The following ADCY4 variants were observed in gnomAD, a reference collection of about 807,000 sequenced individuals.
ADCY4 encodes adenylate cyclase type 4.
Under a neutral mutation model 125.5 loss-of-function variants are expected in ADCY4, and 111 were observed. That is an observed-to-expected ratio of 0.88 (90% CI 0.76 to 1.04). The LOEUF (loss-of-function observed/expected upper bound fraction) is 1.04. Among genes scored for constraint, ADCY4 ranks in the 50% least tolerant of loss-of-function variants. The pLI, the probability that ADCY4 is intolerant of heterozygous loss-of-function variation, is 0.00. For synonymous variants in ADCY4, 576 were observed against 586.9 expected (o/e 0.98, Z 0.27); for missense variants, 1,256 against 1,382.9 (o/e 0.91, Z 1.46).
Position 24,332,646 on chromosome 14 carries a change from G to T in ADCY4, c.395C>A (p.Ala132Asp), listed in dbSNP as rs754479060. The T allele has an allele frequency of 8.2e-6, 13 of 1,587,598 alleles. No homozygotes were observed. The highest frequency in any genetic ancestry group is 1.0e-5 in the Non-Finnish European group (12 of 1,167,230). Residue 132 changes from alanine (A) to aspartate (D), a missense_variant, in exon 3 of 25, where the codon GCC (alanine) becomes GAC (aspartate). Transcript: ENST00000418030. ...YFLFVIFTAYAMLPLGMRDAA... is the reference protein window; with the variant it reads ...YFLFVIFTAYDMLPLGMRDAA... ...GTCCCGCATGCCCAAGGGCAGCATG[G>T]CATACGCCGTGAAGATGACGAAGAG...
Position 24,326,329 on chromosome 14 carries a change from G to T in ADCY4, c.1538C>A (p.Ala513Asp). Reference sequence around the variant, plus strand: ...CAGGCTCCACTGGGTGCTGAAGGAAGCCAGGGTCTTCTCCTGTTGGGAGAG... The same window carrying T: ...CAGGCTCCACTGGGTGCTGAAGGAATCCAGGGTCTTCTCCTGTTGGGAGAG... ...TSTPLPEKTL[A>D]SFSTQWSLDR... Residue 513 changes from alanine to aspartate, a missense_variant, in exon 11 of 25, where the codon GCT (alanine) becomes GAT (aspartate). Physicochemically the swap from Ala to Asp is moderately radical, Grantham distance 126 (BLOSUM62 -2). Coordinates refer to ENST00000418030, the MANE Select transcript of ADCY4 (RefSeq NM_001198568.2). 1 of 1,613,916 alleles carries T rather than the reference G, an allele frequency of 6.2e-7. No individual in the cohort carries two copies. Among genetic ancestry groups the T allele is most frequent in the South Asian group, 1.1e-5 (1 of 91,076 alleles).
Position 24,331,463 on chromosome 14 carries a change from G to C in ADCY4, c.670-107C>G, listed in dbSNP as rs540830154. The C allele has an allele frequency of 2.7e-5, 40 of 1,489,078 alleles. No homozygotes were observed. In the Middle Eastern group the frequency reaches 5.8e-4, roughly 22 times the overall value. The allele number at this position is 1,489,078 out of a possible 1,614,324, so 92.2% of individuals were successfully genotyped here. A position where few individuals can be genotyped will look rare whatever the true frequency, so the allele number is the denominator to read the frequency against. ...CACTGCCCATCCTAGGTGCTCCCCA[G>C]GGTGCTCCCCCAGGTCCTCCCGCTG... On this transcript the variant is annotated intron_variant, in intron 4 of 24. Coordinates refer to ENST00000418030, the MANE Select transcript of ADCY4 (RefSeq NM_001198568.2).
intron 10 of ADCY4, among the ~76,000 whole-genome samples, chr14:24,327,634 G>A (rs1204686087): frequency 6.6e-6 from 1 of 152,242 alleles, no homozygotes; most frequent in Non-Finnish European, 1.5e-5. Context: ...GGTTGAAGAA[G>A]AGAGCATGCA....
At position 24,324,291 on chromosome 14, in the gene ADCY4, C is replaced by G. The variant is rs772652771; in HGVS notation, c.1908+16G>C. The G allele has an allele frequency of 1.9e-5, 31 of 1,613,968 alleles. No homozygotes were observed. Among genetic ancestry groups the G allele is most frequent in the Non-Finnish European group, 2.3e-5 (27 of 1,179,942 alleles). ...AGGGCTCCGGCATACCACTTCCACC[C>G]CTCAGCCCACCTCACCATCAGGTCC... On this transcript the variant is annotated intron_variant, in intron 15 of 24. Transcript: ENST00000418030.
Position 24,324,214 on chromosome 14 carries a change from T to TG in ADCY4, c.1909-16dup. 1.9e-6 allele frequency: 3 copies of TG among 1,614,104 alleles called. No homozygotes were observed. The highest frequency in any genetic ancestry group is 2.5e-6 in the Non-Finnish European group (3 of 1,179,968). The stretch of plus-strand genomic sequence containing the variant: ...AGGACACACCTCTGTGGAGGGAGCA[T>TG]GGGCATCTTAGCCACGGGGCTGGGG... On this transcript the variant is annotated splice_polypyrimidine_tract_variant and intron_variant, in intron 15 of 24. Coordinates refer to ENST00000418030, the MANE Select transcript of ADCY4 (RefSeq NM_001198568.2).
chr14:24,323,195 CA>C (rs2139199746), intron 17 of ADCY4, 107 bp from the exon 18 acceptor site: 1 of 1,415,210 alleles, frequency 7.1e-7, no homozygotes, highest in South Asian at 1.3e-5. Context: ...ATCTGGGAGA[CA>C]GGGGGCATCA....
At chr14:24,320,342 T>C (rs987471296) in intron 20 of ADCY4, among the ~76,000 whole-genome samples, 1 of 152,088 alleles carries the variant, frequency 6.6e-6, no homozygotes. Flanking sequence ...AAGGGTAAGA[T>C]AATAAAGATG....
intron 16 of ADCY4, 164 bp from the exon 17 acceptor site, chr14:24,323,618 A>T (rs1368330559): frequency 1.4e-6 from 2 of 1,436,404 alleles, no homozygotes; most frequent in Non-Finnish European, 1.8e-6. Context: ...TGGGGTCCTC[A>T]CTCGGGGAGG....
intron 14 of ADCY4, 40 bp from the exon 15 acceptor site, chr14:24,324,431 A>G: frequency 6.4e-7 from 1 of 1,568,734 alleles, no homozygotes; most frequent in Non-Finnish European, 8.8e-7. Flanking sequence ...GTGCCAGAAC[A>G]GGCTCCCTGT....
At chr14:24,329,034 TG>T in intron 10 of ADCY4, 26 bp downstream of exon 10, 1 of 1,607,710 alleles carries the variant, frequency 6.2e-7, no homozygotes, top group Non-Finnish European at 8.5e-7. Flanking sequence ...AACTAAGCTC[TG>T]GGGCTCAGGA....
At chr14:24,327,534 C>T (rs2041967892) in intron 10 of ADCY4, among the ~76,000 whole-genome samples, 1 of 152,224 alleles carries the variant, frequency 6.6e-6, no homozygotes. Flanking sequence ...AACCCTCTGA[C>T]CTCTCCCCTA....
rs2041996165 is a variant in ADCY4, at chr14:24,328,997, G to A, written c.1524+64C>T. The stretch of plus-strand genomic sequence containing the variant: ...GTGGGGGCAGGGAAGGCTGCCAGTG[G>A]GGCCTGAGGATACTGGGGGTGGATT... On this transcript the variant is annotated intron_variant, in intron 10 of 24. Transcript: ENST00000418030. The A allele has an allele frequency of 3.9e-6, 6 of 1,553,272 alleles. No individual in the cohort carries two copies. In the South Asian group the frequency reaches 7.0e-5, roughly 18 times the overall value.
intron 14 of ADCY4, among the ~76,000 whole-genome samples, chr14:24,324,607 C>G (rs2041911235): frequency 1.3e-5 from 2 of 151,872 alleles, no homozygotes. Context: ...AACAGGGACC[C>G]ATATGGTGGG....
rs747607558 is a variant in ADCY4 at position 24,319,104 on chromosome 14, G to A, written c.2950C>T (p.Arg984Ter). ...AGCAGGGGAAGTCTCTCACCCACTC[G>A]CAGGCGGAAGTTGTTGAATGAATGC... The part of the protein sequence containing the change: ...NKHSFNNFRL[R>*]VGLNHGPVVA... The change falls in exon 23 of 25, where the codon CGA becomes TGA. Residue 984 changes from arginine to a stop codon, truncating the protein, a stop_gained. Coordinates refer to ENST00000418030, the MANE Select transcript of ADCY4 (RefSeq NM_001198568.2). LOFTEE classifies it high-confidence loss of function. The surrounding 1 kb of genome is among the most constrained non-coding windows in gnomAD (Gnocchi z 4.5). The A allele has an allele frequency of 3.7e-6, 6 of 1,613,862 alleles. No homozygotes were observed. Among genetic ancestry groups the A allele is most frequent in the Middle Eastern group, 1.6e-4 (1 of 6,084 alleles).
At chr14:24,322,445 T>C in intron 19 of ADCY4, 179 bp downstream of exon 19, 1 of 861,104 alleles carries the variant, frequency 1.2e-6, no homozygotes, top group Non-Finnish European at 1.8e-6. Context: ...AAGCATGGGC[T>C]TTCCCAGATA....
chr14:24,332,415 A>G, intron 3 of ADCY4, 107 bp downstream of exon 3: 1 of 1,301,022 alleles, frequency 7.7e-7, no homozygotes, highest in East Asian at 2.5e-5. Context: ...TCCTGCGCCC[A>G]GCGTTGCACC....
At chr14:24,325,053 G>A (rs767895160) in intron 14 of ADCY4, among the ~76,000 whole-genome samples, 1 of 152,126 alleles carries the variant, frequency 6.6e-6, no homozygotes, top group Non-Finnish European at 1.5e-5. Context: ...AGTGGACTAG[G>A]AATGAGGGCC....
chr14:24,332,595 G>A lies in ADCY4; in HGVS notation c.446C>T (p.Ser149Leu), dbSNP rs1293584288. Residue 149 changes from serine to leucine, a missense_variant, in exon 3 of 25, where the codon TCA (serine) becomes TTA (leucine). Coordinates refer to ENST00000418030, the MANE Select transcript of ADCY4 (RefSeq NM_001198568.2). The part of the protein sequence containing the change: ...RDAAVAGLAS[S>L]LSHLLVLGLY... ...CCCGAGGACCAGCAGATGCGAGAGT[G>A]AGGAGGCGAGGCCCGCGACGGCGGC... The A allele has an allele frequency of 6.3e-7, 1 of 1,578,908 alleles. No individual in the cohort carries two copies. The highest frequency in any genetic ancestry group is 1.3e-5 in the African/African-American group (1 of 74,554).
chr14:24,329,628 A>C (rs1280767001), intron 8 of ADCY4, 95 bp from the exon 9 acceptor site: 1 of 1,466,796 alleles, frequency 6.8e-7, no homozygotes, highest in East Asian at 2.4e-5. Flanking sequence ...ACTGACAAAC[A>C]TCTCATGTCT....
Sources: allele counts gnomAD v4.1 joint callset (sites outside exome capture counted in the v4.1 genomes callset), GRCh38; gene constraint gnomAD v4.1.1; non-coding constraint Gnocchi (gnomAD v3.1); transcripts MANE v1.5; gene names NCBI Gene and HGNC (gene_info 2026-07-23, HGNC 2026-07-21).